The following LRRC49 variants were observed in gnomAD, a reference collection of about 807,000 sequenced individuals.
LRRC49 encodes leucine rich repeat containing 49, also known as leucine-rich repeat-containing protein 49.
Under a neutral mutation model 83.3 loss-of-function variants are expected in LRRC49, and 50 were observed. The ratio of observed to expected loss-of-function variants is 0.60; its 90% confidence interval spans 0.48 to 0.76. LRRC49 has a LOEUF of 0.76. LRRC49 is among the 30% of genes least tolerant of loss of function. LRRC49 has a pLI of 0.00. For synonymous variants in LRRC49, 286 were observed against 283.3 expected, an observed-to-expected ratio of 1.01 and a Z score of -0.10; for missense variants, 704 against 809.1, an observed-to-expected ratio of 0.87 and a Z score of 1.58.
intron 11 of LRRC49, among the ~76,000 whole-genome samples, chr15:70,995,293 AAAGT>A (rs1210975711): frequency 6.6e-6 from 1 of 152,196 alleles, no homozygotes; most frequent in Non-Finnish European, 1.5e-5. Flanking sequence ...AGGAGCATAT[AAAGT>A]AAGAGCATTA....
chr15:70,936,637 A>T, intron 7 of LRRC49, 124 bp from the exon 8 acceptor site: 1 of 657,768 alleles, frequency 1.5e-6, no homozygotes, highest in Admixed American at 2.3e-5. Context: ...GTCCAGTAGA[A>T]ATCAGTGATG....
chr15:70,878,684 GT>G (rs113536122), intron 2 of LRRC49, among the ~76,000 whole-genome samples: 1 of 152,232 alleles, frequency 6.6e-6, no homozygotes, highest in African/African-American at 2.4e-5. Context: ...TTTGTCAAAT[GT>G]TTTTTAAATC....
intron 14 of LRRC49, among the ~76,000 whole-genome samples, chr15:71,019,286 A>G (rs192598564): frequency 1.7e-3 from 264 of 152,232 alleles, no homozygotes; most frequent in Non-Finnish European, 2.7e-3. Context: ...TCCTGAAGCT[A>G]TCTGGCTCAC....
At chr15:71,029,125 C>T (rs1244050715) in intron 14 of LRRC49, among the ~76,000 whole-genome samples, 2 of 152,120 alleles carry the variant, frequency 1.3e-5, no homozygotes, top group Admixed American at 1.3e-4. Flanking sequence ...TAGCTGTGTC[C>T]CAGAGATTCT....
chr15:71,008,010 C>T (rs1938785496), intron 11 of LRRC49, among the ~76,000 whole-genome samples: 1 of 151,434 alleles, frequency 6.6e-6, no homozygotes, highest in Non-Finnish European at 1.5e-5. Context: ...GTAAACTGTA[C>T]TTTTTTCTAG....
At chr15:70,987,944 T>C (rs1167117094) in intron 11 of LRRC49, among the ~76,000 whole-genome samples, 22 of 152,150 alleles carry the variant, frequency 1.4e-4, no homozygotes, top group Admixed American at 1.4e-3. Flanking sequence ...AGTTGAGCGG[T>C]TTTGAGTGAG....
rs1184827285 is a variant in LRRC49 at position 71,052,546 on chromosome 15, C to T, written c.*2934C>T. On this transcript the variant is annotated 3_prime_UTR_variant, in exon 16 of 16. Coordinates refer to ENST00000260382, the MANE Select transcript of LRRC49 (RefSeq NM_017691.5). ...TGGCATGTAAGACAGTGCAACCCTA[C>T]CATGCTCCTGATCTATTCCTGATTG... 1 of 152,184 alleles carries T rather than the reference C, an allele frequency of 6.6e-6. No individual in the cohort carries two copies. The highest frequency in any genetic ancestry group is 1.9e-4 in the East Asian group (1 of 5,194). The allele number at this position is 152,184 out of a possible 1,614,324, so 9.4% of individuals were successfully genotyped here.
chr15:71,020,003 C>T (rs1169330474), intron 14 of LRRC49, among the ~76,000 whole-genome samples: 1 of 151,888 alleles, frequency 6.6e-6, no homozygotes, highest in Non-Finnish European at 1.5e-5. Context: ...CCCATGAATA[C>T]TTTAAATATT....
chr15:70,886,987 G>C (rs541478536), intron 2 of LRRC49, among the ~76,000 whole-genome samples: 1 of 152,156 alleles, frequency 6.6e-6, no homozygotes, highest in Non-Finnish European at 1.5e-5. Context: ...TGAAGGTTTT[G>C]TGTCAATACA....
rs1015351182 is a variant in LRRC49 at position 71,053,439 on chromosome 15, A to G, written c.*3827A>G. Reference sequence around the variant, plus strand: ...CTTATGGAATACACAATGCATCTCAACATGTACAATATATACAAGATATAC... The same window carrying G: ...CTTATGGAATACACAATGCATCTCAGCATGTACAATATATACAAGATATAC... On this transcript the variant is annotated 3_prime_UTR_variant, in exon 16 of 16. Coordinates refer to ENST00000260382, the MANE Select transcript of LRRC49 (RefSeq NM_017691.5). The G allele has an allele frequency of 6.6e-6, 1 of 152,212 alleles. No homozygotes were observed. The highest frequency in any genetic ancestry group is 1.5e-5 in the Non-Finnish European group (1 of 68,044). The allele number at this position is 152,212 out of a possible 1,614,324, so 9.4% of individuals were successfully genotyped here. A position where few individuals can be genotyped will look rare whatever the true frequency, so the allele number is the denominator to read the frequency against.
chr15:71,026,183 C>T (rs1396794016), intron 14 of LRRC49, among the ~76,000 whole-genome samples: 1 of 151,966 alleles, frequency 6.6e-6, no homozygotes, highest in Admixed American at 6.6e-5. Flanking sequence ...TTTTCTGCTC[C>T]TCTGTTGGTT....
At chr15:70,872,446 G>A (rs1035848961) in intron 1 of LRRC49, among the ~76,000 whole-genome samples, 2 of 151,608 alleles carry the variant, frequency 1.3e-5, no homozygotes, top group Non-Finnish European at 2.9e-5. Context: ...GAGGGGGAGG[G>A]AGAGGTACTT....
Position 70,963,760 on chromosome 15 carries a change from C to A in LRRC49, c.774-25C>A, listed in dbSNP as rs767961314. 5 of 1,607,378 alleles carry A rather than the reference C, an allele frequency of 3.1e-6. No homozygotes were observed. In the South Asian group the frequency reaches 4.4e-5, roughly 14 times the overall value. Reference sequence around the variant, plus strand: ...TATTATCTTAAGGCCTCAGAATAATCCAGTGGTTTCTGTCTCTCCTGCAGT... The same window carrying A: ...TATTATCTTAAGGCCTCAGAATAATACAGTGGTTTCTGTCTCTCCTGCAGT... On this transcript the variant is annotated intron_variant, in intron 8 of 15. Transcript: ENST00000260382.
chr15:71,043,632 T>C lies in LRRC49; in HGVS notation c.1858-5777T>C, dbSNP rs189302234. 1.4e-4 allele frequency among the ~76,000 whole-genome samples: 22 copies of C among 152,282 alleles called. No individual in the cohort carries two copies. In the East Asian group the frequency reaches 4.0e-3, roughly 28 times the overall value. ...CATATTGTAAGGAGATGCAGAATAG[T>C]TGGCTTGGAGGAGAGGAGAAATCAT... On this transcript the variant is annotated intron_variant, in intron 15 of 15. Transcript: ENST00000260382.
intron 11 of LRRC49, among the ~76,000 whole-genome samples, chr15:70,991,547 A>T (rs2037879098): frequency 6.6e-6 from 1 of 152,176 alleles, no homozygotes; most frequent in South Asian, 2.1e-4. Flanking sequence ...TTGGTATAGT[A>T]CTCAGCATGT....
At chr15:70,878,285 G>A (rs1313638610) in intron 2 of LRRC49, among the ~76,000 whole-genome samples, 1 of 152,002 alleles carries the variant, frequency 6.6e-6, no homozygotes, top group Non-Finnish European at 1.5e-5. Flanking sequence ...TATTTGGTTT[G>A]CTAAACTGAT....
chr15:70,881,170 A>C (rs1337620131), intron 2 of LRRC49, among the ~76,000 whole-genome samples: 5 of 152,232 alleles, frequency 3.3e-5, no homozygotes, highest in African/African-American at 1.2e-4. Context: ...TTGAGGTTAC[A>C]ATGAGCTATG....
At chr15:70,995,160 G>C (rs962600944) in intron 11 of LRRC49, among the ~76,000 whole-genome samples, 1 of 152,154 alleles carries the variant, frequency 6.6e-6, no homozygotes, top group Non-Finnish European at 1.5e-5. Flanking sequence ...CAAAGGAAAA[G>C]ATAGAAATGA....
chr15:70,912,944 T>C (rs1465544814), intron 6 of LRRC49, among the ~76,000 whole-genome samples: 1 of 152,230 alleles, frequency 6.6e-6, no homozygotes, highest in African/African-American at 2.4e-5. Context: ...CCCAAAGTGC[T>C]GGGATTACAG....
Sources: gnomAD v4.1 joint callset for allele counts (sites outside exome capture counted in the v4.1 genomes callset) on GRCh38, gnomAD v4.1.1 for gene constraint, MANE v1.5 for transcripts, NCBI Gene and HGNC (gene_info 2026-07-23, HGNC 2026-07-21) for gene names.